Variants in FHIT observed in about 807,000 individuals in gnomAD.
FHIT encodes the protein bis(5'-adenosyl)-triphosphatase.
In FHIT, 19 loss-of-function variants were observed where a neutral mutation model predicts 17.9. The ratio of observed to expected loss-of-function variants is 1.06; its 90% CI spans 0.74 to 1.56. FHIT has a LOEUF of 1.56. Among genes scored for constraint, FHIT ranks in the 40% most tolerant of loss-of-function variants. FHIT has a pLI of 0.00. For missense variants in FHIT, 248 were observed against 189.2 expected, an observed-to-expected ratio of 1.31 and a Z score of -1.82; for synonymous variants, 81 against 69.7, an observed-to-expected ratio of 1.16 and a Z score of -0.81.
At chr3:61,112,039 G>A (rs1350994697) in intron 2 of FHIT, among the ~76,000 whole-genome samples, 1 of 152,068 alleles carries the variant, frequency 6.6e-6, no homozygotes, top group African/African-American at 2.4e-5. Flanking sequence ...TTATAGATCA[G>A]GAAACACAGA....
intron 3 of FHIT, among the ~76,000 whole-genome samples, chr3:60,889,585 A>T (rs1575648934): frequency 6.6e-6 from 1 of 152,188 alleles, no homozygotes; most frequent in African/African-American, 2.4e-5. Context: ...AAAACAATTT[A>T]CCAGTGGAGG....
Position 60,478,010 on chromosome 3 carries a change from C to T in FHIT, c.103+58850G>A, listed in dbSNP as rs189409069. ...CTTTGCTGGGTAATAGGAAATTGGT[C>T]TTCACAGCAGAAAATAATAATTGCA... On this transcript the variant is annotated intron_variant, in intron 5 of 9. Coordinates refer to ENST00000492590, the MANE Select transcript of FHIT (RefSeq NM_002012.4). Among the ~76,000 whole-genome samples, 257 of 152,178 alleles carry T rather than the reference C, an allele frequency of 1.7e-3. 4 individuals carry two copies. Among genetic ancestry groups the T allele is most frequent in the African/African-American group, 3.8e-3 (157 of 41,530 alleles).
intron 4 of FHIT, among the ~76,000 whole-genome samples, chr3:60,716,507 G>A (rs2041687100): frequency 6.6e-6 from 1 of 151,882 alleles, no homozygotes; most frequent in African/African-American, 2.4e-5. Flanking sequence ...TCATCCAACT[G>A]GCAGGTCTTC....
At chr3:61,082,859 T>C (rs1313671710) in intron 2 of FHIT, among the ~76,000 whole-genome samples, 1 of 152,164 alleles carries the variant, frequency 6.6e-6, no homozygotes, top group Non-Finnish European at 1.5e-5. Context: ...TGCCCTTTTT[T>C]CCAATGGGCT....
intron 2 of FHIT, among the ~76,000 whole-genome samples, chr3:61,108,931 C>G (rs148513012): frequency 6.6e-6 from 1 of 152,160 alleles, no homozygotes; most frequent in Non-Finnish European, 1.5e-5. Flanking sequence ...TCTGGGCAAG[C>G]AACTTTAGTG....
chr3:60,764,442 C>T (rs1553720905), intron 4 of FHIT, among the ~76,000 whole-genome samples: 1 of 151,704 alleles, frequency 6.6e-6, no homozygotes, highest in Non-Finnish European at 1.5e-5. Context: ...GGATGAACTG[C>T]ATTAACAATG....
rs1193959787 is a variant in FHIT, at chr3:59,986,640, T to G, written c.279+24731A>C. On this transcript the variant is annotated intron_variant, in intron 7 of 9. Coordinates refer to ENST00000492590, the MANE Select transcript of FHIT (RefSeq NM_002012.4). ...ATGTCTAGGATTTACTATAGAAAATTTTTAAAATATTTTTATGTATTTATA... is the reference window on the plus strand; with the variant it reads ...ATGTCTAGGATTTACTATAGAAAATGTTTAAAATATTTTTATGTATTTATA... Among the ~76,000 whole-genome samples, 3 of 29,240 alleles carry G rather than the reference T, an allele frequency of 1.0e-4. 1 individual carries two copies. The highest frequency in any genetic ancestry group is 1.4e-4 in the Non-Finnish European group (2 of 14,218). The allele number at this position is 29,240 out of a possible 152,430, so 19.2% of individuals were successfully genotyped here. A position where few individuals can be genotyped will look rare whatever the true frequency, so the allele number is the denominator to read the frequency against.
intron 5 of FHIT, among the ~76,000 whole-genome samples, chr3:60,149,678 C>T (rs73097542): frequency 4.7e-4 from 72 of 152,108 alleles, no homozygotes; most frequent in Non-Finnish European, 7.4e-4. Context: ...ATTCAATCAT[C>T]TCCTCCTCTC....
intron 3 of FHIT, among the ~76,000 whole-genome samples, chr3:60,844,458 A>G (rs13064251): frequency 6.6e-6 from 1 of 152,002 alleles, no homozygotes; most frequent in Non-Finnish European, 1.5e-5. Flanking sequence ...CGATGATAAA[A>G]CCTGTTTCCT....
chr3:59,919,597 G>A (rs1705305476), intron 8 of FHIT, among the ~76,000 whole-genome samples: 1 of 152,108 alleles, frequency 6.6e-6, no homozygotes. Flanking sequence ...TTAAAACAGT[G>A]CCTAGAAAGA....
intron 2 of FHIT, among the ~76,000 whole-genome samples, chr3:61,128,117 G>T (rs1002206759): frequency 1.2e-4 from 18 of 152,068 alleles, no homozygotes; most frequent in African/African-American, 4.3e-4. Flanking sequence ...GATCTGAAGA[G>T]AAAAATCAGT....
chr3:60,027,855 T>C (rs1700819110), intron 5 of FHIT, among the ~76,000 whole-genome samples: 1 of 152,228 alleles, frequency 6.6e-6, no homozygotes, highest in African/African-American at 2.4e-5. Context: ...AGTGGAACTT[T>C]CTATATCCTA....
At chr3:60,644,018 CAG>C (rs1334143667) in intron 4 of FHIT, among the ~76,000 whole-genome samples, 13 of 152,160 alleles carry the variant, frequency 8.5e-5, no homozygotes, top group African/African-American at 1.4e-4. Context: ...CATACACTAA[CAG>C]AGAGTTTGAG....
At chr3:59,874,822 T>C (rs922227660) in intron 8 of FHIT, among the ~76,000 whole-genome samples, 1 of 152,236 alleles carries the variant, frequency 6.6e-6, no homozygotes, top group East Asian at 1.9e-4. Context: ...AGCTCTTCTA[T>C]GGGCTCCAAT....
At chr3:60,442,488 T>C (rs934308769) in intron 5 of FHIT, among the ~76,000 whole-genome samples, 3 of 152,210 alleles carry the variant, frequency 2.0e-5, no homozygotes, top group Non-Finnish European at 4.4e-5. Flanking sequence ...GCTTTCTACA[T>C]ATGGCTAGCC....
intron 5 of FHIT, among the ~76,000 whole-genome samples, chr3:60,330,762 G>A (rs942929507): frequency 6.6e-6 from 1 of 152,182 alleles, no homozygotes; most frequent in Admixed American, 6.5e-5. Flanking sequence ...TACAGAACGG[G>A]ATTGCAAAAT....
chr3:60,532,846 A>C (rs2035836781), intron 5 of FHIT, among the ~76,000 whole-genome samples: 2 of 152,214 alleles, frequency 1.3e-5, no homozygotes, highest in African/African-American at 4.8e-5. Flanking sequence ...CAAAGTCATA[A>C]GAAATAAGTG....
intron 5 of FHIT, among the ~76,000 whole-genome samples, chr3:60,016,976 T>A (rs1031020720): frequency 1.2e-4 from 19 of 152,192 alleles, no homozygotes; most frequent in Non-Finnish European, 2.4e-4. Flanking sequence ...TAATTTCTTA[T>A]AGAAAATTAG....
chr3:60,482,821 T>C (rs2033670373), intron 5 of FHIT, among the ~76,000 whole-genome samples: 1 of 149,286 alleles, frequency 6.7e-6, no homozygotes, highest in Non-Finnish European at 1.5e-5. Flanking sequence ...AAGAAATAAC[T>C]AAGATCAGAG....
Sources: gnomAD v4.1 joint callset for allele counts (sites outside exome capture counted in the v4.1 genomes callset) on GRCh38, gnomAD v4.1.1 for gene constraint, MANE v1.5 for transcripts, NCBI Gene and HGNC (gene_info 2026-07-23, HGNC 2026-07-21) for gene names.